The following JPH2 variants were observed in gnomAD, a reference collection of about 807,000 sequenced individuals.
The protein encoded by JPH2 is junctophilin-2.
Under a neutral mutation model 55.9 loss-of-function variants are expected in JPH2, and 38 were observed. The ratio of observed to expected loss-of-function variants is 0.68; its 90% CI spans 0.52 to 0.89. The LOEUF is 0.89. Among genes scored for constraint, JPH2 ranks in the 40% least tolerant of loss-of-function variants. JPH2 has a pLI of 0.00. For synonymous variants in JPH2, 480 were observed against 472.4 expected (o/e 1.02, Z -0.21); for missense variants, 964 against 1,037.6 (o/e 0.93, Z 0.97).
chr20:44,144,045 C>A (rs1332475107), intron 2 of JPH2, among the ~76,000 whole-genome samples: 1 of 152,222 alleles, frequency 6.6e-6, no homozygotes, highest in Non-Finnish European at 1.5e-5. Flanking sequence ...CCAGCCTCGC[C>A]AAGTTCCATC....
chr20:44,118,761 A>G (rs2072213179), intron 2 of JPH2, 138 bp from the exon 3 acceptor site: 5 of 740,232 alleles, frequency 6.8e-6, no homozygotes, highest in Non-Finnish European at 9.5e-6. Flanking sequence ...ATTGAGCCTC[A>G]TGGCCCAGAC....
intron 1 of JPH2, among the ~76,000 whole-genome samples, chr20:44,161,495 C>A (rs1360832400): frequency 2.6e-5 from 4 of 152,068 alleles, no homozygotes; most frequent in Non-Finnish European, 4.4e-5. Context: ...CTGCCTCTGC[C>A]CTTACTAGCT....
chr20:44,155,827 G>A (rs992963264), intron 2 of JPH2, among the ~76,000 whole-genome samples: 11 of 152,176 alleles, frequency 7.2e-5, no homozygotes, highest in Non-Finnish European at 1.3e-4. Context: ...CTTGAGTCCA[G>A]GAGTTCGAGA....
At chr20:44,151,419 A>G (rs956759456) in intron 2 of JPH2, among the ~76,000 whole-genome samples, 1 of 152,186 alleles carries the variant, frequency 6.6e-6, no homozygotes, top group African/African-American at 2.4e-5. Context: ...TAGGAAGCTG[A>G]GGCAGGAGAA....
chr20:44,140,527 G>A (rs932651893), intron 2 of JPH2, among the ~76,000 whole-genome samples: 2 of 152,180 alleles, frequency 1.3e-5, no homozygotes, highest in African/African-American at 4.8e-5. Flanking sequence ...AGCCAGGGCT[G>A]ATGGGAAAAG....
chr20:44,178,853 G>A (rs1472068715), intron 1 of JPH2, among the ~76,000 whole-genome samples: 1 of 152,156 alleles, frequency 6.6e-6, no homozygotes, highest in African/African-American at 2.4e-5. Context: ...AAATATGGAA[G>A]TTAAGTTCCT....
chr20:44,107,226 T>A lies in JPH2; in HGVS notation c.*6292A>T, dbSNP rs2072113875. Among the ~76,000 whole-genome samples, 1 of 152,162 alleles carries A rather than the reference T, an allele frequency of 6.6e-6. No individual in the cohort carries two copies. The highest frequency in any genetic ancestry group is 1.5e-5 in the Non-Finnish European group (1 of 68,020). On this transcript the variant is annotated 3_prime_UTR_variant, in exon 6 of 6. Transcript: ENST00000372980. Reference sequence around the variant, plus strand: ...ACCCATCCCCACTCCCCAACCATACTGCCTCTTATGGCCACCATATCCATT... The same window carrying A: ...ACCCATCCCCACTCCCCAACCATACAGCCTCTTATGGCCACCATATCCATT...
chr20:44,115,633 G>A (rs777974143), intron 4 of JPH2, 32 bp downstream of exon 4: 13 of 1,611,346 alleles, frequency 8.1e-6, no homozygotes, highest in East Asian at 4.5e-5. Context: ...TAGGGAACCC[G>A]ACCTTAGGCA....
chr20:44,143,392 C>T (rs1022944813), intron 2 of JPH2, among the ~76,000 whole-genome samples: 4 of 152,190 alleles, frequency 2.6e-5, no homozygotes, highest in Admixed American at 1.3e-4. Context: ...CAGGGTCCCA[C>T]GCAAGCACAG....
intron 1 of JPH2, among the ~76,000 whole-genome samples, chr20:44,178,600 G>GTTTGT (rs1206101468): frequency 1.3e-5 from 2 of 151,998 alleles, no homozygotes; most frequent in African/African-American, 2.4e-5. Context: ...TCTTTTCTTT[G>GTTTGT]TTTGTTTTGT....
intron 1 of JPH2, among the ~76,000 whole-genome samples, chr20:44,162,354 AC>A: frequency 6.6e-6 from 1 of 152,010 alleles, no homozygotes; most frequent in South Asian, 2.1e-4. Context: ...ACCTACTCTG[AC>A]CCCCTGTGAT....
intron 1 of JPH2, among the ~76,000 whole-genome samples, chr20:44,182,821 C>G (rs192532788): frequency 3.3e-5 from 5 of 152,322 alleles, no homozygotes; most frequent in Admixed American, 1.3e-4. Flanking sequence ...TTGTCTTGCT[C>G]GCTGCCCCCA....
At chr20:44,140,554 C>T (rs2072448606) in intron 2 of JPH2, among the ~76,000 whole-genome samples, 1 of 152,164 alleles carries the variant, frequency 6.6e-6, no homozygotes, top group South Asian at 2.1e-4. Flanking sequence ...AGCAGCAATG[C>T]AATAGGTCCC....
chr20:44,176,816 G>T (rs981721669), intron 1 of JPH2: 2 of 954,642 alleles, frequency 2.1e-6, no homozygotes, highest in African/African-American at 3.5e-5. Context: ...GAAAAAAAAG[G>T]TATCCATAAA....
At chr20:44,178,419 A>G (rs2072753120) in intron 1 of JPH2, among the ~76,000 whole-genome samples, 1 of 152,214 alleles carries the variant, frequency 6.6e-6, no homozygotes, top group Non-Finnish European at 1.5e-5. Context: ...TCTCTAAAAC[A>G]TTGCTGCGTG....
chr20:44,138,386 G>A (rs992302072), intron 2 of JPH2, among the ~76,000 whole-genome samples: 1 of 148,504 alleles, frequency 6.7e-6, no homozygotes, highest in African/African-American at 2.5e-5. Context: ...GTCTGAGTTT[G>A]TTTGCTTTAT....
At position 44,107,185 on chromosome 20, in the gene JPH2, C is replaced by G. The variant is rs1272359677; in HGVS notation, c.*6333G>C. Among the ~76,000 whole-genome samples the G allele has an allele frequency of 6.6e-6, 1 of 152,158 alleles. No homozygotes were observed. Among genetic ancestry groups the G allele is most frequent in the Non-Finnish European group, 1.5e-5 (1 of 68,032 alleles). Reference sequence around the variant, plus strand: ...GCCAGGATTAGAAACTAGGTCTGTCCAATTCCAAAGCCCCAACCCATCCCC... The same window carrying G: ...GCCAGGATTAGAAACTAGGTCTGTCGAATTCCAAAGCCCCAACCCATCCCC... On this transcript the variant is annotated 3_prime_UTR_variant, in exon 6 of 6. Coordinates refer to ENST00000372980, the MANE Select transcript of JPH2 (RefSeq NM_020433.5).
At position 44,108,267 on chromosome 20, in the gene JPH2, C is replaced by T. The variant is rs556579641; in HGVS notation, c.*5251G>A. ...CATTTGGAACCCTCCCAGATTCCTT[C>T]CTATGTCCCTTTCCCTTGGCTGGTT... is the stretch of plus-strand genomic sequence containing the variant. On this transcript the variant is annotated 3_prime_UTR_variant, in exon 6 of 6. Coordinates refer to ENST00000372980, the MANE Select transcript of JPH2 (RefSeq NM_020433.5). 5.9e-5 allele frequency among the ~76,000 whole-genome samples: 9 copies of T among 152,330 alleles called. No individual in the cohort carries two copies. The highest frequency in any genetic ancestry group is 1.2e-4 in the Non-Finnish European group (8 of 68,024).
chr20:44,145,828 C>T (rs929557399), intron 2 of JPH2, among the ~76,000 whole-genome samples: 1 of 152,174 alleles, frequency 6.6e-6, no homozygotes, highest in Non-Finnish European at 1.5e-5. Flanking sequence ...ACTCCCTGCA[C>T]AACCCTAGCT....
Sources: gnomAD v4.1 joint callset for allele counts (sites outside exome capture counted in the v4.1 genomes callset) on GRCh38, gnomAD v4.1.1 for gene constraint, MANE v1.5 for transcripts, NCBI Gene and HGNC (gene_info 2026-07-23, HGNC 2026-07-21) for gene names.